SLC44A1: variants seen among roughly 807,000 people sequenced by gnomAD.
SLC44A1 encodes solute carrier family 44 member 1.
In SLC44A1, 26 loss-of-function variants were observed where a neutral mutation model predicts 79.3. The observed-to-expected ratio is 0.33, with a 90% confidence interval of 0.24 to 0.46. SLC44A1 has a LOEUF of 0.46. SLC44A1 is among the 20% of genes least tolerant of loss of function. The pLI is 1.00. For missense variants in SLC44A1, 688 were observed against 798.1 expected (o/e 0.86, Z 1.66); for synonymous variants, 263 against 286.2 (o/e 0.92, Z 0.82).
At chr9:105,247,320 G>A (rs189419875) in intron 1 of SLC44A1, among the ~76,000 whole-genome samples, 55 of 152,192 alleles carry the variant, frequency 3.6e-4, no homozygotes, top group East Asian at 2.5e-3. Context: ...TTCAGACGGG[G>A]TTTCGCTTTT....
intron 3 of SLC44A1, among the ~76,000 whole-genome samples, chr9:105,324,246 C>T (rs1026735000): frequency 9.4e-5 from 14 of 149,604 alleles, no homozygotes; most frequent in South Asian, 4.2e-4. Context: ...TCACCGTGCC[C>T]GGAATTTTTT....
chr9:105,351,550 A>AAGAGAGAG (rs755270422), intron 5 of SLC44A1, among the ~76,000 whole-genome samples: 6 of 100,288 alleles, frequency 6.0e-5, no homozygotes, highest in South Asian at 3.6e-4. Flanking sequence ...GAAAGAAAGA[A>AAGAGAGAG]AGAAAGAGAG....
intron 1 of SLC44A1, among the ~76,000 whole-genome samples, chr9:105,261,771 CTCTCTTTTTTT>C (rs1829844466): frequency 7.1e-6 from 1 of 140,902 alleles, no homozygotes; most frequent in Admixed American, 7.0e-5. Context: ...GTTTCTCTCT[CTCTCTTTTTTT>C]TTTTTTTTTT....
chr9:105,310,219 G>T lies in SLC44A1; in HGVS notation c.269+353G>T, dbSNP rs553900660. On this transcript the variant is annotated intron_variant, in intron 3 of 15. Transcript: ENST00000374720. ...GTAACATATTTTCCTCTAAGATTAT[G>T]CTTAATGGGAGACAGAGGGATGATA... 3.3e-5 allele frequency among the ~76,000 whole-genome samples: 5 copies of T among 151,888 alleles called. No individual in the cohort carries two copies. The South Asian group carries it at 1.0e-3, about 32-fold the overall frequency.
Position 105,392,630 on chromosome 9 carries a change from C to A in SLC44A1, c.*3574C>A. ...TCTCCCTCCCTCTTCAAAACAGCTA[C>A]AGGAACTGCAGGCACCACATATGTG... On this transcript the variant is annotated 3_prime_UTR_variant, in exon 16 of 16. Transcript: ENST00000374720. 1.0e-6 allele frequency: 1 copy of A among 985,380 alleles called. No homozygotes were observed. Among genetic ancestry groups the A allele is most frequent in the Non-Finnish European group, 1.2e-6 (1 of 829,964 alleles). The allele number at this position is 985,380 out of a possible 1,614,324, so 61.0% of individuals were successfully genotyped here.
intron 4 of SLC44A1, among the ~76,000 whole-genome samples, chr9:105,344,972 G>A (rs775771854): frequency 6.6e-6 from 1 of 152,186 alleles, no homozygotes. Context: ...GGAACAGCAT[G>A]TGTGAAAGCC....
chr9:105,249,776 C>A (rs549535892), intron 1 of SLC44A1, among the ~76,000 whole-genome samples: 8 of 151,560 alleles, frequency 5.3e-5, no homozygotes, highest in African/African-American at 1.9e-4. Flanking sequence ...CTCAGATGAT[C>A]CACCCGCCTC....
chr9:105,408,706 C>T (rs1209553729), intron 15 of SLC44A1, among the ~76,000 whole-genome samples: 2 of 152,070 alleles, frequency 1.3e-5, no homozygotes, highest in African/African-American at 2.4e-5. Flanking sequence ...CCACCGCACC[C>T]GGCCTGTCAC....
At chr9:105,286,971 T>G (rs1830493426) in intron 1 of SLC44A1, among the ~76,000 whole-genome samples, 1 of 151,680 alleles carries the variant, frequency 6.6e-6, no homozygotes, top group African/African-American at 2.4e-5. Context: ...CTTTAAAAAA[T>G]AAATAAAATA....
chr9:105,341,287 A>G (rs1301409655), intron 4 of SLC44A1, among the ~76,000 whole-genome samples: 1 of 150,622 alleles, frequency 6.6e-6, no homozygotes. Flanking sequence ...CTGAGCTGAG[A>G]TCGTGCCACT....
At chr9:105,294,454 T>G (rs1431588173) in intron 1 of SLC44A1, among the ~76,000 whole-genome samples, 1 of 152,088 alleles carries the variant, frequency 6.6e-6, no homozygotes, top group Non-Finnish European at 1.5e-5. Context: ...GGTAGTTGTT[T>G]TTTTTTTCGT....
chr9:105,419,680 C>T (rs931561970), intron 15 of SLC44A1, among the ~76,000 whole-genome samples: 5 of 152,054 alleles, frequency 3.3e-5, no homozygotes, highest in Admixed American at 6.6e-5. Context: ...TTTGGGAGGC[C>T]GAGGTGGGTG....
At chr9:105,411,455 T>TGC (rs1829093587) in intron 15 of SLC44A1, among the ~76,000 whole-genome samples, 1 of 131,640 alleles carries the variant, frequency 7.6e-6, no homozygotes, top group Admixed American at 7.2e-5. Context: ...TCTGTGTATG[T>TGC]GTGTGTGTGT....
chr9:105,278,957 C>T (rs899411197), intron 1 of SLC44A1, among the ~76,000 whole-genome samples: 1 of 152,118 alleles, frequency 6.6e-6, no homozygotes, highest in Non-Finnish European at 1.5e-5. Flanking sequence ...CAGCATTCAT[C>T]TGTTGCCAGT....
At chr9:105,417,440 T>C (rs772917078) in intron 15 of SLC44A1, among the ~76,000 whole-genome samples, 2 of 152,132 alleles carry the variant, frequency 1.3e-5, no homozygotes, top group Non-Finnish European at 2.9e-5. Context: ...TGCATGTCTT[T>C]ATGCACTTAT....
chr9:105,360,190 C>T (rs985458279), intron 7 of SLC44A1, among the ~76,000 whole-genome samples: 2 of 152,190 alleles, frequency 1.3e-5, no homozygotes, highest in African/African-American at 4.8e-5. Flanking sequence ...GCCTGGGACA[C>T]TCTTTCCTTA....
At chr9:105,329,178 ACT>A (rs1385672066) in intron 3 of SLC44A1, among the ~76,000 whole-genome samples, 5 of 152,000 alleles carry the variant, frequency 3.3e-5, no homozygotes, top group African/African-American at 1.2e-4. Flanking sequence ...TCACGGCAAC[ACT>A]CTCTGTGGAA....
At chr9:105,381,592 C>G (rs1828467642) in intron 13 of SLC44A1, among the ~76,000 whole-genome samples, 1 of 150,340 alleles carries the variant, frequency 6.7e-6, no homozygotes, top group Non-Finnish European at 1.5e-5. Flanking sequence ...AAGTAATTAA[C>G]CATCTATGGA....
chr9:105,422,281 CTTTTTTTT>C (rs554922812), intron 15 of SLC44A1, among the ~76,000 whole-genome samples: 5 of 95,908 alleles, frequency 5.2e-5, no homozygotes, highest in African/African-American at 1.8e-4. Context: ...CTGCTCCATC[CTTTTTTTT>C]TTTTTTTTTT....
Sources: allele counts gnomAD v4.1 joint callset (sites outside exome capture counted in the v4.1 genomes callset), GRCh38; gene constraint gnomAD v4.1.1; transcripts MANE v1.5; gene names NCBI Gene and HGNC (gene_info 2026-07-23, HGNC 2026-07-21).